MBOAT2: variants seen among roughly 807,000 people sequenced by gnomAD.
MBOAT2 encodes membrane bound glycerophospholipid O-acyltransferase 2.
MBOAT2 carries 28 observed loss-of-function variants against 63.4 expected under a neutral mutation model. The observed-to-expected ratio is 0.44, with a 90% CI of 0.33 to 0.61. The LOEUF is 0.61. Ranked by LOEUF, MBOAT2 falls within the 20% of genes least tolerant of loss-of-function variation. The pLI, the probability that MBOAT2 is intolerant of heterozygous loss-of-function variation, is 0.03. For synonymous variants in MBOAT2, 211 were observed against 215.6 expected (o/e 0.98, Z 0.19); for missense variants, 470 against 605.8 (o/e 0.78, Z 2.35).
intron 6 of MBOAT2, among the ~76,000 whole-genome samples, chr2:8,881,978 G>C (rs920275460): frequency 2.6e-5 from 4 of 152,192 alleles, no homozygotes; most frequent in Admixed American, 6.5e-5. Flanking sequence ...CCATTCCTTA[G>C]ATTAGTCATC....
chr2:9,000,708 G>T (rs187858095), intron 1 of MBOAT2, among the ~76,000 whole-genome samples: 2 of 152,228 alleles, frequency 1.3e-5, no homozygotes, highest in Non-Finnish European at 2.9e-5. Flanking sequence ...CTAGGAGGGT[G>T]AGTGACCAGC....
At chr2:8,988,819 C>T (rs1319060210) in intron 1 of MBOAT2, among the ~76,000 whole-genome samples, 2 of 151,514 alleles carry the variant, frequency 1.3e-5, no homozygotes, top group African/African-American at 4.8e-5. Flanking sequence ...CTCAATATTG[C>T]AAGGAGAAAA....
intron 1 of MBOAT2, among the ~76,000 whole-genome samples, chr2:8,984,906 T>C (rs1213891555): frequency 1.3e-5 from 2 of 152,054 alleles, no homozygotes; most frequent in African/African-American, 4.8e-5. Flanking sequence ...TCGCCCCCAA[T>C]GGTCTGAACA....
intron 3 of MBOAT2, among the ~76,000 whole-genome samples, chr2:8,916,478 G>T (rs1666186234): frequency 6.6e-6 from 1 of 152,156 alleles, no homozygotes; most frequent in African/African-American, 2.4e-5. Flanking sequence ...CTTACGTGTT[G>T]GATATAGAGT....
chr2:8,868,554 A>G lies in MBOAT2; in HGVS notation c.884-5T>C. ...CAGCATTATTAATGGCATCAGCTAT[A>G]GAAAACAACATTAGAAAAAAGTATT... On this transcript the variant is annotated splice_region_variant and splice_polypyrimidine_tract_variant and intron_variant, in intron 8 of 12. Transcript: ENST00000305997. 6.2e-7 allele frequency: 1 copy of G among 1,606,152 alleles called. No homozygotes were observed. The highest frequency in any genetic ancestry group is 1.1e-5 in the South Asian group (1 of 89,598).
intron 8 of MBOAT2, among the ~76,000 whole-genome samples, chr2:8,870,125 G>A (rs531937225): frequency 6.6e-5 from 10 of 152,066 alleles, no homozygotes; most frequent in Non-Finnish European, 1.5e-4. Context: ...CCAAATAACT[G>A]ACCATTAACA....
At chr2:8,956,152 G>A (rs1156464105) in intron 2 of MBOAT2, among the ~76,000 whole-genome samples, 1 of 152,180 alleles carries the variant, frequency 6.6e-6, no homozygotes, top group Non-Finnish European at 1.5e-5. Context: ...AGGCATGCCT[G>A]TATATTTACA....
chr2:8,899,630 T>C (rs1015607779), intron 4 of MBOAT2, among the ~76,000 whole-genome samples: 3 of 152,228 alleles, frequency 2.0e-5, no homozygotes, highest in Non-Finnish European at 2.9e-5. Context: ...CTTCCAGTGA[T>C]TGCCACTGCA....
At chr2:8,991,588 T>C (rs750144114) in intron 1 of MBOAT2, among the ~76,000 whole-genome samples, 1 of 152,226 alleles carries the variant, frequency 6.6e-6, no homozygotes, top group African/African-American at 2.4e-5. Flanking sequence ...TGCCCTGCTC[T>C]GGTTATAATC....
intron 3 of MBOAT2, among the ~76,000 whole-genome samples, chr2:8,909,649 T>C (rs968382825): frequency 1.3e-5 from 2 of 152,234 alleles, no homozygotes; most frequent in East Asian, 3.8e-4. Flanking sequence ...ATGAAAGTTC[T>C]TTCAAACTTT....
At chr2:8,944,054 A>AGGGTTTCACTAT (rs748710289) in intron 2 of MBOAT2, among the ~76,000 whole-genome samples, 73 of 152,206 alleles carry the variant, frequency 4.8e-4, no homozygotes, top group Non-Finnish European at 8.8e-4. Flanking sequence ...TGGTAAAGAC[A>AGGGTTTCACTAT]GGGTTTCACT....
In MBOAT2 at chr2:8,862,128, T is replaced by C; in HGVS notation, c.1185+462A>G. 1 of 266,008 alleles carries C rather than the reference T, an allele frequency of 3.8e-6. No individual in the cohort carries two copies. Among genetic ancestry groups the C allele is most frequent in the Middle Eastern group, 4.4e-4 (1 of 2,268 alleles). The allele number at this position is 266,008 out of a possible 1,614,324, so 16.5% of individuals were successfully genotyped here. A position where few individuals can be genotyped will look rare whatever the true frequency, so the allele number is the denominator to read the frequency against. On this transcript the variant is annotated intron_variant, in intron 11 of 12. Coordinates refer to ENST00000305997, the MANE Select transcript of MBOAT2 (RefSeq NM_138799.4). The surrounding 1 kb of genome is among the most constrained non-coding windows in gnomAD (Gnocchi z 4.3). ...TGTTTCCCCAAAATATTACTCTATG[T>C]TCTGTCTAGGCAAATACTCTAAAGA...
At position 8,862,380 on chromosome 2, in the gene MBOAT2, G is replaced by C; in HGVS notation, c.1185+210C>G. 7.0e-7 allele frequency: 1 copy of C among 1,423,964 alleles called. No homozygotes were observed. Among genetic ancestry groups the C allele is most frequent in the Non-Finnish European group, 9.4e-7 (1 of 1,064,968 alleles). The allele number at this position is 1,423,964 out of a possible 1,614,324, so 88.2% of individuals were successfully genotyped here. A position where few individuals can be genotyped will look rare whatever the true frequency, so the allele number is the denominator to read the frequency against. On this transcript the variant is annotated intron_variant, in intron 11 of 12. Coordinates refer to ENST00000305997, the MANE Select transcript of MBOAT2 (RefSeq NM_138799.4). This position sits in a 1 kb window ranked among gnomAD's most constrained non-coding sequence, Gnocchi z 4.3. ...TCCTACCTGCCGGGCACATAGAAACGTGTTTTCTCCTCACAGGAACTGGGC... is the reference window on the plus strand; with the variant it reads ...TCCTACCTGCCGGGCACATAGAAACCTGTTTTCTCCTCACAGGAACTGGGC...
intron 1 of MBOAT2, among the ~76,000 whole-genome samples, chr2:8,983,737 T>C (rs1671359404): frequency 6.6e-6 from 1 of 152,218 alleles, no homozygotes; most frequent in Admixed American, 6.5e-5. Flanking sequence ...CACAGAAGAA[T>C]GTCCTTTTTT....
rs577751373 is a variant in MBOAT2, at chr2:8,912,044, T to C, written c.300-3328A>G. Among the ~76,000 whole-genome samples the C allele has an allele frequency of 3.3e-5, 5 of 152,152 alleles. No individual in the cohort carries two copies. The East Asian group carries it at 9.7e-4, about 29-fold the overall frequency. ...CGATTTGACAAATATCCTGCATACC[T>C]TTATGATTAAAACCCTCATCAAAAT... On this transcript the variant is annotated intron_variant, in intron 3 of 12. Transcript: ENST00000305997.
intron 3 of MBOAT2, among the ~76,000 whole-genome samples, chr2:8,937,662 CA>C (rs1183364747): frequency 6.6e-6 from 1 of 152,096 alleles, no homozygotes; most frequent in Non-Finnish European, 1.5e-5. Flanking sequence ...AGAGGGAACA[CA>C]GGGAACCACG....
chr2:8,874,468 A>T lies in MBOAT2; in HGVS notation c.691-1168T>A, dbSNP rs567994220. Among the ~76,000 whole-genome samples the T allele has an allele frequency of 1.7e-3, 253 of 152,350 alleles. 1 individual carries two copies. Among genetic ancestry groups the T allele is most frequent in the African/African-American group, 5.9e-3 (244 of 41,568 alleles). ...GGTGAAATAAATGGCCCCATACTTT[A>T]ATTTTAAAATGAGGCTTATCATTTT... On this transcript the variant is annotated intron_variant, in intron 7 of 12. Coordinates refer to ENST00000305997, the MANE Select transcript of MBOAT2 (RefSeq NM_138799.4).
chr2:8,887,195 A>G (rs183189197), intron 5 of MBOAT2, among the ~76,000 whole-genome samples: 45 of 152,276 alleles, frequency 3.0e-4, no homozygotes, highest in African/African-American at 1.1e-3. Flanking sequence ...GGGCAGAAAG[A>G]TAGTTGCTGT....
chr2:8,908,409 G>C (rs1665482709), intron 4 of MBOAT2: 6 of 419,448 alleles, frequency 1.4e-5, no homozygotes, highest in Non-Finnish European at 2.6e-5. Flanking sequence ...AGTTCCATTA[G>C]GCAGGAAGAA....
Sources: allele counts gnomAD v4.1 joint callset (sites outside exome capture counted in the v4.1 genomes callset), GRCh38; gene constraint gnomAD v4.1.1; non-coding constraint Gnocchi (gnomAD v3.1); transcripts MANE v1.5; gene names NCBI Gene and HGNC (gene_info 2026-07-23, HGNC 2026-07-21).